ANKFN1: variants seen among roughly 807,000 people sequenced by gnomAD.
The protein encoded by ANKFN1 is ankyrin repeat and fibronectin type-III domain-containing protein 1.
A neutral mutation model predicts 108.7 loss-of-function variants in ANKFN1; 74 were observed. That is an observed-to-expected ratio of 0.68 (90% CI 0.56 to 0.83). ANKFN1 has a LOEUF of 0.83. Ranked by LOEUF, ANKFN1 falls within the 40% of genes least tolerant of loss-of-function variation. The pLI is 0.00. For missense variants in ANKFN1, 1,505 were observed against 1,382.3 expected (o/e 1.09, Z -1.41); for synonymous variants, 547 against 516.2 (o/e 1.06, Z -0.81).
chr17:56,179,059 A>G (rs1037512308), intron 1 of ANKFN1, among the ~76,000 whole-genome samples: 1 of 152,188 alleles, frequency 6.6e-6, no homozygotes, highest in Non-Finnish European at 1.5e-5. Context: ...TTTCTTGTGT[A>G]TTAATGTAGC....
chr17:56,078,067 G>A lies in ANKFN1; in HGVS notation c.288+31742G>A, dbSNP rs140791580. Among the ~76,000 whole-genome samples, 996 of 152,276 alleles carry A rather than the reference G, an allele frequency of 6.5e-3. 11 individuals carry two copies. The highest frequency in any genetic ancestry group is 0.023 in the African/African-American group (941 of 41,556). ...GTTAATGTTTTTGTTGTAGCGGGCA[G>A]TAAATTTGTTTAGATTCAAATTGCA... On this transcript the variant is annotated intron_variant, in intron 4 of 12. Transcript: ENST00000635860.
rs903176834 is a variant in ANKFN1 at position 56,511,012 on chromosome 17, A to G, written c.3184A>G (p.Arg1062Gly). Reference protein sequence around the residue: ...KRAGPALDDPRGLTLAHAASL... With the variant: ...KRAGPALDDPGGLTLAHAASL... ...GGCCGGCCCTGCCCTTGATGATCCCAGGGGCCTAACTCTGGCCCACGCTGC... is the reference window on the plus strand; with the variant it reads ...GGCCGGCCCTGCCCTTGATGATCCCGGGGGCCTAACTCTGGCCCACGCTGC... Residue 1062 changes from arginine (R) to glycine (G), a missense_variant, in exon 21 of 21, where the codon AGG becomes GGG. Coordinates refer to ENST00000682825, the MANE Select transcript of ANKFN1 (RefSeq NM_001370326.1). 26 of 1,536,018 alleles carry G rather than the reference A, an allele frequency of 1.7e-5. No individual in the cohort carries two copies. Among genetic ancestry groups the G allele is most frequent in the Middle Eastern group, 1.7e-4 (1 of 5,922 alleles).
chr17:56,405,414 G>A (rs2144959440), intron 8 of ANKFN1, among the ~76,000 whole-genome samples: 1 of 152,288 alleles, frequency 6.6e-6, no homozygotes, highest in Non-Finnish European at 1.5e-5. Context: ...CTAGGAAACA[G>A]TCAACTTCAT....
chr17:56,068,621 C>A (rs1905087694), intron 4 of ANKFN1, among the ~76,000 whole-genome samples: 1 of 152,216 alleles, frequency 6.6e-6, no homozygotes, highest in South Asian at 2.1e-4. Context: ...CTGTCCAGCA[C>A]AATTCCACAA....
At chr17:56,417,687 G>C (rs1158908401) in intron 8 of ANKFN1, among the ~76,000 whole-genome samples, 1 of 152,206 alleles carries the variant, frequency 6.6e-6, no homozygotes. Flanking sequence ...CTGGATTCCA[G>C]CTTTCTCTGA....
intron 4 of ANKFN1, among the ~76,000 whole-genome samples, chr17:56,144,779 G>T (rs1209403632): frequency 6.6e-6 from 1 of 152,182 alleles, no homozygotes; most frequent in Non-Finnish European, 1.5e-5. Context: ...GACAGCCGAG[G>T]AGCATTGGAG....
At chr17:56,157,456 C>T (rs1909220427) in intron 1 of ANKFN1, among the ~76,000 whole-genome samples, 1 of 152,194 alleles carries the variant, frequency 6.6e-6, no homozygotes, top group South Asian at 2.1e-4. Flanking sequence ...CCATCATTAG[C>T]ACACTGGGAA....
intron 4 of ANKFN1, among the ~76,000 whole-genome samples, chr17:56,117,446 T>A (rs1006527660): frequency 6.6e-6 from 1 of 152,154 alleles, no homozygotes; most frequent in African/African-American, 2.4e-5. Context: ...TGTCCTTAAA[T>A]TTTCCCTCCA....
chr17:56,192,076 G>A (rs1453862900), intron 1 of ANKFN1, among the ~76,000 whole-genome samples: 1 of 152,084 alleles, frequency 6.6e-6, no homozygotes, highest in African/African-American at 2.4e-5. Flanking sequence ...CAACAGAACA[G>A]AGCCCTCAGA....
chr17:56,395,968 T>C (rs928557231), intron 8 of ANKFN1, among the ~76,000 whole-genome samples: 2 of 152,148 alleles, frequency 1.3e-5, no homozygotes, highest in African/African-American at 4.8e-5. Flanking sequence ...AGAGTAATAG[T>C]TCCAAAAATA....
At chr17:56,262,087 G>T (rs530232842) in intron 3 of ANKFN1, among the ~76,000 whole-genome samples, 1 of 152,166 alleles carries the variant, frequency 6.6e-6, no homozygotes, top group Admixed American at 6.5e-5. Context: ...AGCCCTCCAA[G>T]AATTCTGATA....
At chr17:56,377,944 A>G (rs905918359) in intron 8 of ANKFN1, among the ~76,000 whole-genome samples, 3 of 151,780 alleles carry the variant, frequency 2.0e-5, no homozygotes, top group African/African-American at 7.3e-5. Flanking sequence ...TGAGTGCAGT[A>G]CCCGGGTTCT....
chr17:56,149,656 T>G (rs1908477117), upstream of ANKFN1, among the ~76,000 whole-genome samples: 1 of 152,210 alleles, frequency 6.6e-6, no homozygotes, highest in Non-Finnish European at 1.5e-5. Flanking sequence ...AATTTCACCA[T>G]TCTCAGTCCC....
At chr17:56,180,918 G>T (rs1284153663) in intron 1 of ANKFN1, among the ~76,000 whole-genome samples, 1 of 152,150 alleles carries the variant, frequency 6.6e-6, no homozygotes, top group Admixed American at 6.5e-5. Context: ...AGGAAGGAGT[G>T]CTGTTCTCTA....
At chr17:56,306,217 T>C (rs540122457) in intron 3 of ANKFN1, among the ~76,000 whole-genome samples, 36 of 152,368 alleles carry the variant, frequency 2.4e-4, no homozygotes, top group African/African-American at 8.2e-4. Context: ...TTAAGAAGAA[T>C]TGTATTAAAT....
At chr17:56,193,369 A>T (rs1031235948) in intron 1 of ANKFN1, among the ~76,000 whole-genome samples, 4 of 150,662 alleles carry the variant, frequency 2.7e-5, no homozygotes, top group East Asian at 1.9e-4. Flanking sequence ...AACCTGCACA[A>T]TGTGCACATG....
intron 8 of ANKFN1, among the ~76,000 whole-genome samples, chr17:56,408,126 G>A (rs1054381768): frequency 2.0e-5 from 3 of 151,668 alleles, no homozygotes; most frequent in Admixed American, 1.3e-4. Context: ...ATAGAGACAG[G>A]GTTTCACCAT....
At chr17:56,148,921 T>A (rs1567804691), upstream of ANKFN1, among the ~76,000 whole-genome samples, 1 of 152,188 alleles carries the variant, frequency 6.6e-6, no homozygotes, top group African/African-American at 2.4e-5. Flanking sequence ...GCTTACGTCA[T>A]TCTCCCAACA....
At chr17:56,309,461 G>C (rs955232524) in intron 3 of ANKFN1, among the ~76,000 whole-genome samples, 2 of 151,914 alleles carry the variant, frequency 1.3e-5, no homozygotes, top group Non-Finnish European at 2.9e-5. Context: ...AGTTAATAGA[G>C]GTGCCAATTT....
Sources: allele counts gnomAD v4.1 joint callset (sites outside exome capture counted in the v4.1 genomes callset), GRCh38; gene constraint gnomAD v4.1.1; transcripts MANE v1.5; gene names NCBI Gene and HGNC (gene_info 2026-07-23, HGNC 2026-07-21).